Variants in CCDC73 observed in about 807,000 individuals in gnomAD.
CCDC73 encodes the protein coiled-coil domain containing 73, also known as coiled-coil domain-containing protein 73.
Under a neutral mutation model 116.5 loss-of-function variants are expected in CCDC73, and 95 were observed. That is an observed-to-expected ratio of 0.82 (90% CI 0.69 to 0.97). The LOEUF (loss-of-function observed/expected upper bound fraction) is 0.97. Among genes scored for constraint, CCDC73 ranks in the 50% least tolerant of loss-of-function variants. The probability of loss-of-function intolerance (pLI) is 0.00; values close to 1 mark genes in which losing one functional copy is unlikely to be tolerated. For synonymous variants in CCDC73, 398 were observed against 401.3 expected, an observed-to-expected ratio of 0.99 and a Z score of 0.10; for missense variants, 1,066 against 1,206.8, an observed-to-expected ratio of 0.88 and a Z score of 1.73.
At chr11:32,726,965 G>A (rs1459395801) in intron 2 of CCDC73, among the ~76,000 whole-genome samples, 2 of 152,070 alleles carry the variant, frequency 1.3e-5, no homozygotes, top group Non-Finnish European at 2.9e-5. Flanking sequence ...TAAATGCCAG[G>A]ATCCTGTCCA....
intron 9 of CCDC73, among the ~76,000 whole-genome samples, chr11:32,661,476 G>C (rs1422076044): frequency 7.9e-6 from 1 of 127,302 alleles, no homozygotes; most frequent in Non-Finnish European, 1.6e-5. Flanking sequence ...ACAGGCTCTA[G>C]TGTGTGATGT....
At chr11:32,780,498 ATC>A (rs1457616308) in intron 1 of CCDC73, among the ~76,000 whole-genome samples, 1 of 152,142 alleles carries the variant, frequency 6.6e-6, no homozygotes, top group Non-Finnish European at 1.5e-5. Flanking sequence ...ACTTCTAAGA[ATC>A]TATTCAAAAG....
At chr11:32,621,869 A>C (rs1445512468) in intron 14 of CCDC73, among the ~76,000 whole-genome samples, 1 of 152,252 alleles carries the variant, frequency 6.6e-6, no homozygotes, top group East Asian at 1.9e-4. Flanking sequence ...GACACTTCTC[A>C]AAAGAAGACA....
chr11:32,613,260 C>CAA (rs1283501721), intron 16 of CCDC73, among the ~76,000 whole-genome samples, 162 bp downstream of exon 16: 1 of 152,130 alleles, frequency 6.6e-6, no homozygotes, highest in Non-Finnish European at 1.5e-5. Context: ...AACTACTTCA[C>CAA]TGTATTTGCT....
Position 32,614,669 on chromosome 11 carries a change from A to AT in CCDC73, c.1648dup (p.Ile550AsnfsTer21), listed in dbSNP as rs761354865. ...TAATCCTCTGGTTCTTTCTAGATGT[A>AT]TTTTTTCTGTTTCTATTGCTGTATC... On this transcript the variant is annotated frameshift_variant, in exon 16 of 18. Transcript: ENST00000335185. LOFTEE classifies it high-confidence loss of function. 6.2e-6 allele frequency: 10 copies of AT among 1,612,748 alleles called. No homozygotes were observed. The East Asian group carries it at 6.7e-5, about 11-fold the overall frequency.
intron 2 of CCDC73, among the ~76,000 whole-genome samples, chr11:32,718,359 T>C (rs1223192995): frequency 1.3e-5 from 2 of 152,062 alleles, no homozygotes; most frequent in Non-Finnish European, 2.9e-5. Flanking sequence ...GACAGGTGCC[T>C]AGAGAAACAG....
chr11:32,745,290 TC>T (rs1850226262), intron 2 of CCDC73, among the ~76,000 whole-genome samples: 1 of 152,222 alleles, frequency 6.6e-6, no homozygotes, highest in African/African-American at 2.4e-5. Flanking sequence ...TGATTTCTGT[TC>T]TTTTACATTT....
intron 17 of CCDC73, among the ~76,000 whole-genome samples, chr11:32,607,771 T>C (rs1317033239): frequency 6.6e-6 from 1 of 151,896 alleles, no homozygotes; most frequent in African/African-American, 2.4e-5. Flanking sequence ...AAGGGTGTAT[T>C]AGTCCGTTCT....
chr11:32,776,241 C>A (rs1435451032), intron 1 of CCDC73, among the ~76,000 whole-genome samples: 3 of 152,148 alleles, frequency 2.0e-5, no homozygotes, highest in Non-Finnish European at 4.4e-5. Flanking sequence ...GAATTATAAT[C>A]ACCTTTTCCT....
rs374127648 is a variant in CCDC73, at chr11:32,718,153, T to G, written c.136-6A>C. 3.8e-6 allele frequency: 6 copies of G among 1,581,568 alleles called. No individual in the cohort carries two copies. The African/African-American group carries it at 8.2e-5, about 22-fold the overall frequency. ...TCATAATGAATTTCTGCTTCCTAAG[T>G]CAAAAAGAAAAAGAAAAGTGCTATA... On this transcript the variant is annotated splice_region_variant and splice_polypyrimidine_tract_variant and intron_variant, in intron 2 of 17. Transcript: ENST00000335185.
intron 2 of CCDC73, among the ~76,000 whole-genome samples, chr11:32,725,166 CT>C: frequency 6.6e-6 from 1 of 151,506 alleles, no homozygotes; most frequent in Non-Finnish European, 1.5e-5. Flanking sequence ...CATGGGTTCA[CT>C]TTCTGAGGTT....
At chr11:32,764,585 G>A (rs1216431526) in intron 1 of CCDC73, among the ~76,000 whole-genome samples, 1 of 152,110 alleles carries the variant, frequency 6.6e-6, no homozygotes, top group African/African-American at 2.4e-5. Flanking sequence ...TCACCACCAG[G>A]CCTGCCCTAC....
chr11:32,665,456 T>A (rs559719896), intron 9 of CCDC73, among the ~76,000 whole-genome samples: 1 of 152,332 alleles, frequency 6.6e-6, no homozygotes, highest in East Asian at 1.9e-4. Flanking sequence ...TTAAAGTCTG[T>A]CTTATCAGAG....
At position 32,614,758 on chromosome 11, in the gene CCDC73, T is replaced by G. The variant is rs528245202; in HGVS notation, c.1560A>C (p.Ile520=). 1 of 1,613,314 alleles carries G rather than the reference T, an allele frequency of 6.2e-7. No homozygotes were observed. Among genetic ancestry groups the G allele is most frequent in the East Asian group, 2.2e-5 (1 of 44,790 alleles). Residue 520 remains isoleucine, a synonymous_variant, in exon 16 of 18, where the codon ATA becomes ATC. Coordinates refer to ENST00000335185, the MANE Select transcript of CCDC73 (RefSeq NM_001008391.4). The stretch of plus-strand genomic sequence containing the variant: ...TACATCCATTGTCTTTTTCCAAGCA[T>G]ATCTTGTCTTTTATTTCTGTAGTAA... ...KSVTTEIKDK[I]CLEKDNGCTE... is the part of the protein sequence containing the mutation.
chr11:32,702,835 T>C, intron 4 of CCDC73, 38 bp downstream of exon 4: 1 of 1,364,544 alleles, frequency 7.3e-7, no homozygotes, highest in South Asian at 1.2e-5. Flanking sequence ...AAATGCAATA[T>C]TTAAAATGGT....
chr11:32,682,841 A>G (rs1590591547), intron 7 of CCDC73: 2 of 152,040 alleles, frequency 1.3e-5, no homozygotes, highest in Non-Finnish European at 2.9e-5. Flanking sequence ...CAGTAAATAA[A>G]TATTTGTTGA....
At chr11:32,801,368 C>T in the CCDC73 span, among the ~76,000 whole-genome samples, 1 of 152,114 alleles carries the variant, frequency 6.6e-6, no homozygotes, top group Admixed American at 6.5e-5. Context: ...ACTGGCTGGG[C>T]GCAGTGGCTC....
chr11:32,728,263 C>T (rs914149990), intron 2 of CCDC73, among the ~76,000 whole-genome samples: 1 of 151,930 alleles, frequency 6.6e-6, no homozygotes, highest in Non-Finnish European at 1.5e-5. Flanking sequence ...AAAAATAATA[C>T]TAAATAAATA....
intron 2 of CCDC73, among the ~76,000 whole-genome samples, chr11:32,752,587 A>T (rs996757111): frequency 2.6e-5 from 4 of 152,214 alleles, no homozygotes; most frequent in African/African-American, 9.6e-5. Flanking sequence ...CAATCTAAGT[A>T]TGTTTCCAAT....
Sources: allele counts gnomAD v4.1 joint callset (sites outside exome capture counted in the v4.1 genomes callset), GRCh38; gene constraint gnomAD v4.1.1; transcripts MANE v1.5; gene names NCBI Gene and HGNC (gene_info 2026-07-23, HGNC 2026-07-21).